Variants in WDR11 observed in about 807,000 individuals in gnomAD.
WDR11 encodes the protein WD repeat domain 11.
A neutral mutation model predicts 151.2 loss-of-function variants in WDR11; 83 were observed. The observed-to-expected ratio is 0.55, with a 90% CI of 0.46 to 0.66. The LOEUF is 0.66. Ranked by LOEUF, WDR11 falls within the 30% of genes least tolerant of loss-of-function variation. The pLI, the probability that WDR11 is intolerant of heterozygous loss-of-function variation, is 0.00. For synonymous variants in WDR11, 484 were observed against 533.1 expected, an observed-to-expected ratio of 0.91 and a Z score of 1.27; for missense variants, 1,301 against 1,480.9, an observed-to-expected ratio of 0.88 and a Z score of 1.99.
chr10:120,889,034 C>T (rs1847323684), intron 16 of WDR11, 44 bp from the exon 17 acceptor site: 1 of 1,341,422 alleles, frequency 7.5e-7, no homozygotes, highest in Non-Finnish European at 1.1e-6. Flanking sequence ...ATGTCTTATA[C>T]AGCATAGTGA....
At chr10:120,855,155 T>A in intron 2 of WDR11, among the ~76,000 whole-genome samples, 1 of 152,210 alleles carries the variant, frequency 6.6e-6, no homozygotes, top group South Asian at 2.1e-4. Context: ...TTACTACTCT[T>A]GCACTTTGGG....
intron 3 of WDR11, among the ~76,000 whole-genome samples, chr10:120,859,800 T>G (rs2133734120): frequency 6.6e-6 from 1 of 152,254 alleles, no homozygotes; most frequent in Non-Finnish European, 1.5e-5. Flanking sequence ...TAAGAGAGTT[T>G]CATATTGATT....
intron 2 of WDR11, among the ~76,000 whole-genome samples, chr10:120,857,930 T>G (rs1354503683): frequency 6.6e-6 from 1 of 152,162 alleles, no homozygotes; most frequent in East Asian, 1.9e-4. Context: ...TAGTAGTAAA[T>G]GCTTTGAAGA....
chr10:120,876,869 A>T (rs1421212803), intron 11 of WDR11, among the ~76,000 whole-genome samples: 1 of 152,214 alleles, frequency 6.6e-6, no homozygotes, highest in Non-Finnish European at 1.5e-5. Flanking sequence ...AAGGAGCTAG[A>T]TGGAATTCAC....
At chr10:120,895,312 T>C (rs1471144942) in intron 19 of WDR11, among the ~76,000 whole-genome samples, 1 of 152,160 alleles carries the variant, frequency 6.6e-6, no homozygotes, top group African/African-American at 2.4e-5. Flanking sequence ...AAAATATGAA[T>C]GGGGCTGACT....
rs958380317 is a variant in WDR11, at chr10:120,909,227, C to G, written c.*514C>G. On this transcript the variant is annotated 3_prime_UTR_variant, in exon 29 of 29. Transcript: ENST00000263461. ...ATTTTTTGTTTTCTTACCTTGAAAA[C>G]ACAGAACCGTTAATTCCTTGGTTTA... 2 of 159,294 alleles carry G rather than the reference C, an allele frequency of 1.3e-5. No homozygotes were observed. The highest frequency in any genetic ancestry group is 4.8e-5 in the African/African-American group (2 of 41,444). The allele number at this position is 159,294 out of a possible 1,614,324, so 9.9% of individuals were successfully genotyped here.
rs35675368 is a variant in WDR11 at position 120,869,106 on chromosome 10, G to GTT, written c.1294+1958_1294+1959dup. On this transcript the variant is annotated intron_variant, in intron 9 of 28. Coordinates refer to ENST00000263461, the MANE Select transcript of WDR11 (RefSeq NM_018117.12). ...GGTATCTAAGTGATATAAATTACAG[G>GTT]TTTTTTTTTTTTTTTTTTTTTTGAG... Among the ~76,000 whole-genome samples the GTT allele has an allele frequency of 4.8e-3, 392 of 81,928 alleles. 1 individual carries two copies. Among genetic ancestry groups the GTT allele is most frequent in the Non-Finnish European group, 5.6e-3 (230 of 41,404 alleles). The allele number at this position is 81,928 out of a possible 152,430, so 53.7% of individuals were successfully genotyped here. A position where few individuals can be genotyped will look rare whatever the true frequency, so the allele number is the denominator to read the frequency against.
At position 120,904,049 on chromosome 10, in the gene WDR11, A is replaced by G; in HGVS notation, c.2934A>G (p.Lys978=). The change falls in exon 24 of 29, where the codon AAA becomes AAG. Residue 978 remains lysine, a splice_region_variant and synonymous_variant. Transcript: ENST00000263461. ...DVLCENAYFQ[K]FQLERVNLQE... The stretch of plus-strand genomic sequence containing the variant: ...TTTTCTTTTTTTTCCAATTCTAGAA[A>G]TTTCAGCTAGAAAGGGTTAATCTGC... The G allele has an allele frequency of 6.2e-7, 1 of 1,606,872 alleles. No homozygotes were observed. Among genetic ancestry groups the G allele is most frequent in the Non-Finnish European group, 8.5e-7 (1 of 1,174,148 alleles).
At chr10:120,870,835 C>T (rs940899380) in intron 9 of WDR11, among the ~76,000 whole-genome samples, 3 of 152,196 alleles carry the variant, frequency 2.0e-5, no homozygotes, top group African/African-American at 7.2e-5. Flanking sequence ...AAACTGTTCT[C>T]TAATGCAAGT....
intron 19 of WDR11, among the ~76,000 whole-genome samples, chr10:120,899,247 T>C (rs900838749): frequency 1.3e-5 from 2 of 152,124 alleles, no homozygotes; most frequent in African/African-American, 4.8e-5. Flanking sequence ...CAGCTACCTT[T>C]ATAAGTGAGA....
intron 19 of WDR11, among the ~76,000 whole-genome samples, chr10:120,897,682 G>A (rs1244910796): frequency 2.0e-5 from 3 of 152,078 alleles, no homozygotes; most frequent in South Asian, 4.2e-4. Flanking sequence ...AAATGAAAAG[G>A]TCACATAAGG....
At chr10:120,882,508 CT>C (rs1847046875) in intron 13 of WDR11, among the ~76,000 whole-genome samples, 1 of 144,454 alleles carries the variant, frequency 6.9e-6, no homozygotes, top group South Asian at 2.2e-4. Flanking sequence ...CTAAAATTTT[CT>C]TTGTGGCAAA....
chr10:120,857,896 TAAATA>T (rs1341182361), intron 2 of WDR11, among the ~76,000 whole-genome samples: 3 of 152,168 alleles, frequency 2.0e-5, no homozygotes, highest in Admixed American at 6.5e-5. Flanking sequence ...AAAAAGAATG[TAAATA>T]AAATAAGTAC....
At position 120,900,138 on chromosome 10, in the gene WDR11, G is replaced by A. The variant is rs1191017842; in HGVS notation, c.2624+1G>A. ...AGTATTCTTTGGACATTTCTCATGT[G>A]TAAGTTTTTCACTTTTCTTTTTCTT... On this transcript the variant is annotated splice_donor_variant, in intron 20 of 28. Transcript: ENST00000263461. LOFTEE classifies it high-confidence loss of function. 3.1e-6 allele frequency: 5 copies of A among 1,609,660 alleles called. No individual in the cohort carries two copies. The highest frequency in any genetic ancestry group is 1.7e-5 in the Admixed American group (1 of 60,024).
chr10:120,885,367 T>C (rs534164769), intron 14 of WDR11, among the ~76,000 whole-genome samples: 1 of 152,112 alleles, frequency 6.6e-6, no homozygotes, highest in Admixed American at 6.5e-5. Flanking sequence ...TAAGAACTTA[T>C]ACATATGCGA....
intron 23 of WDR11, 73 bp downstream of exon 23, chr10:120,903,305 C>A: frequency 6.4e-7 from 1 of 1,560,012 alleles, no homozygotes; most frequent in Non-Finnish European, 8.8e-7. Context: ...ATATCTTAAA[C>A]TTGGGAAACT....
chr10:120,866,982 T>C, intron 8 of WDR11, 84 bp from the exon 9 acceptor site: 1 of 1,201,370 alleles, frequency 8.3e-7, no homozygotes. Context: ...TAGAATGCCA[T>C]AATCTGGACT....
At chr10:120,859,275 T>A (rs1355251426) in intron 3 of WDR11, among the ~76,000 whole-genome samples, 1 of 149,450 alleles carries the variant, frequency 6.7e-6, no homozygotes, top group African/African-American at 2.5e-5. Context: ...TTTTTTTCTT[T>A]TTTTTTTTTT....
intron 19 of WDR11, among the ~76,000 whole-genome samples, chr10:120,894,353 A>G (rs1196184410): frequency 6.6e-6 from 1 of 152,160 alleles, no homozygotes; most frequent in Non-Finnish European, 1.5e-5. Context: ...TTTCCTCTTC[A>G]TCTGCCACAG....
Sources: gnomAD v4.1 joint callset for allele counts (sites outside exome capture counted in the v4.1 genomes callset) on GRCh38, gnomAD v4.1.1 for gene constraint, MANE v1.5 for transcripts, NCBI Gene and HGNC (gene_info 2026-07-23, HGNC 2026-07-21) for gene names.